SEMA5A: variants seen among roughly 807,000 people sequenced by gnomAD.
SEMA5A encodes semaphorin-5A.
Under a neutral mutation model 135.5 loss-of-function variants are expected in SEMA5A, and 55 were observed. The observed-to-expected ratio is 0.41, with a 90% CI of 0.33 to 0.51. SEMA5A has a LOEUF of 0.51. Among genes scored for constraint, SEMA5A ranks in the 20% least tolerant of loss-of-function variants. The pLI, the probability that SEMA5A is intolerant of heterozygous loss-of-function variation, is 0.37. For synonymous variants in SEMA5A, 580 were observed against 546.5 expected, an observed-to-expected ratio of 1.06 and a Z score of -0.85; for missense variants, 1,290 against 1,419.9, an observed-to-expected ratio of 0.91 and a Z score of 1.47.
chr5:9,077,180 G>C (rs978371386), intron 16 of SEMA5A, among the ~76,000 whole-genome samples: 2 of 152,078 alleles, frequency 1.3e-5, no homozygotes, highest in East Asian at 3.9e-4. Flanking sequence ...CCATATAAGA[G>C]GATAGAGAAG....
At chr5:9,452,571 T>C (rs1416995375) in intron 1 of SEMA5A, among the ~76,000 whole-genome samples, 2 of 152,214 alleles carry the variant, frequency 1.3e-5, no homozygotes, top group Non-Finnish European at 2.9e-5. Flanking sequence ...ATTAAGGCTA[T>C]GTTGAAATGA....
chr5:9,147,783 T>C (rs1742423336), intron 12 of SEMA5A, among the ~76,000 whole-genome samples: 1 of 151,684 alleles, frequency 6.6e-6, no homozygotes, highest in Non-Finnish European at 1.5e-5. Context: ...TTTGCTACTG[T>C]ATGATATTGC....
chr5:9,204,689 G>A lies in SEMA5A; in HGVS notation c.647-2449C>T, dbSNP rs1408823788. On this transcript the variant is annotated intron_variant, in intron 8 of 22. Coordinates refer to ENST00000382496, the MANE Select transcript of SEMA5A (RefSeq NM_003966.3). This position sits in a 1 kb window ranked among gnomAD's most constrained non-coding sequence, Gnocchi z 6.4. ...TCACATAACTAGCAGTGGGGGATGG[G>A]GATGGAAAGTCCTGAATCCATTAGA... Among the ~76,000 whole-genome samples, 1 of 152,122 alleles carries A rather than the reference G, an allele frequency of 6.6e-6. No individual in the cohort carries two copies. Among genetic ancestry groups the A allele is most frequent in the Non-Finnish European group, 1.5e-5 (1 of 68,024 alleles).
At chr5:9,521,853 G>A (rs1053572908) in intron 1 of SEMA5A, among the ~76,000 whole-genome samples, 1 of 152,138 alleles carries the variant, frequency 6.6e-6, no homozygotes, top group South Asian at 2.1e-4. Context: ...CTCCAAGGAG[G>A]TGACCTAGAC....
At position 9,197,241 on chromosome 5, in the gene SEMA5A, G is replaced by C; in HGVS notation, c.995C>G (p.Ser332Cys). Residue 332 changes from serine (S) to cysteine (C), a missense_variant, in exon 10 of 23, where the codon TCT becomes TGT. Physicochemically the swap from Ser to Cys is moderately radical, Grantham distance 112. Coordinates refer to ENST00000382496, the MANE Select transcript of SEMA5A (RefSeq NM_003966.3). The part of the protein sequence containing the change: ...FNLSAIAQAF[S>C]GPFKYQENSR... ...GTTTTCTTGGTACTTGAAGGGCCCA[G>C]AGAAGGCCTGCGCGATGGCGCTCAG... 1 of 1,614,210 alleles carries C rather than the reference G, an allele frequency of 6.2e-7. No individual in the cohort carries two copies.
rs1200401564 is a variant in SEMA5A at position 9,041,392 on chromosome 5, T to C, written c.*1505A>G. The C allele has an allele frequency of 6.6e-6, 1 of 152,236 alleles. No homozygotes were observed. Among genetic ancestry groups the C allele is most frequent in the Non-Finnish European group, 1.5e-5 (1 of 68,048 alleles). 9.4% of individuals were successfully genotyped at this position (152,236 alleles called of 1,614,324 possible). On this transcript the variant is annotated 3_prime_UTR_variant, in exon 23 of 23. Coordinates refer to ENST00000382496, the MANE Select transcript of SEMA5A (RefSeq NM_003966.3). ...GGACTTTATCACATGCTCAGAGGCA[T>C]CAGATGAACTTTTTCAGTCGTGTTC...
At chr5:9,278,191 C>A (rs1750363239) in intron 5 of SEMA5A, among the ~76,000 whole-genome samples, 2 of 151,402 alleles carry the variant, frequency 1.3e-5, no homozygotes, top group African/African-American at 4.9e-5. Context: ...GGAGTGATGG[C>A]AACCCTTGCT....
chr5:9,507,832 G>A (rs565482227), intron 1 of SEMA5A, among the ~76,000 whole-genome samples: 95 of 151,996 alleles, frequency 6.3e-4, no homozygotes, highest in African/African-American at 2.2e-3. Context: ...GTGAAACCCC[G>A]TCTCTTCTAA....
chr5:9,221,582 G>T (rs550686645), intron 8 of SEMA5A, among the ~76,000 whole-genome samples: 73 of 152,086 alleles, frequency 4.8e-4, no homozygotes, highest in African/African-American at 1.7e-3. Context: ...GATTACAGGC[G>T]TGAGCCACCG....
intron 16 of SEMA5A, among the ~76,000 whole-genome samples, chr5:9,077,639 G>A (rs753273646): frequency 2.6e-5 from 4 of 152,180 alleles, no homozygotes; most frequent in Non-Finnish European, 5.9e-5. Context: ...TTTGCAAGGC[G>A]GTCTCCCAAG....
intron 5 of SEMA5A, among the ~76,000 whole-genome samples, chr5:9,288,021 G>A (rs553958148): frequency 6.6e-6 from 1 of 151,996 alleles, no homozygotes; most frequent in South Asian, 2.1e-4. Context: ...GGATTAAGAG[G>A]ATAAGCAAGC....
intron 20 of SEMA5A, among the ~76,000 whole-genome samples, chr5:9,051,027 G>A (rs201660342): frequency 2.9e-4 from 44 of 152,108 alleles, no homozygotes; most frequent in African/African-American, 1.0e-3. Flanking sequence ...AATATCACTC[G>A]GTAGTCTAGA....
chr5:9,098,412 T>C (rs924714728), intron 16 of SEMA5A, among the ~76,000 whole-genome samples: 2 of 152,218 alleles, frequency 1.3e-5, no homozygotes, highest in Non-Finnish European at 2.9e-5. Flanking sequence ...AGGGAACATT[T>C]AATTGACTAA....
chr5:9,252,651 G>A (rs1748859623), intron 5 of SEMA5A, among the ~76,000 whole-genome samples: 1 of 152,196 alleles, frequency 6.6e-6, no homozygotes, highest in African/African-American at 2.4e-5. Flanking sequence ...CAAGCCTTAT[G>A]TACTGGAGAT....
At chr5:9,240,220 C>T (rs1748124000) in intron 5 of SEMA5A, among the ~76,000 whole-genome samples, 1 of 151,880 alleles carries the variant, frequency 6.6e-6, no homozygotes, top group Admixed American at 6.6e-5. Context: ...AATTAATTTC[C>T]TAAGGCATTT....
intron 11 of SEMA5A, among the ~76,000 whole-genome samples, chr5:9,186,417 C>A (rs901158018): frequency 3.3e-5 from 5 of 152,162 alleles, no homozygotes; most frequent in African/African-American, 1.2e-4. Flanking sequence ...GGCTGGTTTC[C>A]TCCCATTTGC....
At chr5:9,194,221 C>T (rs559825472) in intron 10 of SEMA5A, among the ~76,000 whole-genome samples, 14 of 152,132 alleles carry the variant, frequency 9.2e-5, no homozygotes, top group Non-Finnish European at 1.3e-4. Context: ...TCTGAAGCAC[C>T]GCCTAGAGTG....
intron 5 of SEMA5A, among the ~76,000 whole-genome samples, chr5:9,282,122 T>TA (rs1170352892): frequency 7.2e-5 from 11 of 152,180 alleles, no homozygotes; most frequent in African/African-American, 2.7e-4. Context: ...AGGCACCTTT[T>TA]AAGTAAAGCG....
chr5:9,093,450 T>C (rs900084131), intron 16 of SEMA5A, among the ~76,000 whole-genome samples: 1 of 152,202 alleles, frequency 6.6e-6, no homozygotes, highest in Non-Finnish European at 1.5e-5. Context: ...AGCTCATGCC[T>C]ATAATCCCAG....
Sources: gnomAD v4.1 joint callset for allele counts (sites outside exome capture counted in the v4.1 genomes callset) on GRCh38, gnomAD v4.1.1 for gene constraint, Gnocchi (gnomAD v3.1) non-coding constraint, MANE v1.5 for transcripts, NCBI Gene and HGNC (gene_info 2026-07-23, HGNC 2026-07-21) for gene names.